The following MACROD2 variants were observed in gnomAD, a reference collection of about 807,000 sequenced individuals.
MACROD2 encodes the protein ADP-ribose glycohydrolase MACROD2.
MACROD2 carries 36 observed loss-of-function variants against 70.4 expected under a neutral mutation model. The observed-to-expected ratio is 0.51, with a 90% CI of 0.39 to 0.68. The LOEUF (loss-of-function observed/expected upper bound fraction) is 0.68. MACROD2 is among the 30% of genes least tolerant of loss of function. The pLI is 0.00. For missense variants in MACROD2, 496 were observed against 538.4 expected, an observed-to-expected ratio of 0.92 and a Z score of 0.78; for synonymous variants, 172 against 178.8, an observed-to-expected ratio of 0.96 and a Z score of 0.30.
chr20:14,058,615 T>A (rs1457844955), intron 2 of MACROD2, among the ~76,000 whole-genome samples: 7 of 151,322 alleles, frequency 4.6e-5, no homozygotes, highest in Non-Finnish European at 1.0e-4. Flanking sequence ...TTCTATTCAT[T>A]TTTCTTTTTC....
At position 14,320,698 on chromosome 20, in the gene MACROD2, A is replaced by T. The variant is rs1191661057; in HGVS notation, c.272-172781A>T. On this transcript the variant is annotated intron_variant, in intron 3 of 17. Coordinates refer to ENST00000684519, the MANE Select transcript of MACROD2 (RefSeq NM_001351661.2). ...TTTTTTTTTTTTTTTTGAAATGTAC[A>T]TGCCTAGCCTTCATCTGGGAGCTTT... Among the ~76,000 whole-genome samples the T allele has an allele frequency of 6.8e-5, 9 of 131,768 alleles. No homozygotes were observed. The East Asian group carries it at 1.1e-3, about 17-fold the overall frequency. 86.4% of individuals were successfully genotyped at this position (131,768 alleles called of 152,430 possible). A position where few individuals can be genotyped will look rare whatever the true frequency, so the allele number is the denominator to read the frequency against.
intron 6 of MACROD2, among the ~76,000 whole-genome samples, chr20:15,288,379 G>A (rs2077510771): frequency 6.6e-6 from 1 of 152,150 alleles, no homozygotes; most frequent in African/African-American, 2.4e-5. Context: ...GAAGAAGACT[G>A]CAGTGGCTAA....
At chr20:15,858,850 C>T (rs1417171498) in intron 8 of MACROD2, among the ~76,000 whole-genome samples, 2 of 152,140 alleles carry the variant, frequency 1.3e-5, no homozygotes, top group Non-Finnish European at 2.9e-5. Flanking sequence ...TCATTTCTAT[C>T]ATAGTCATAG....
At chr20:14,821,742 G>A (rs573211287) in intron 5 of MACROD2, among the ~76,000 whole-genome samples, 1 of 152,184 alleles carries the variant, frequency 6.6e-6, no homozygotes, top group South Asian at 2.1e-4. Flanking sequence ...TGATCATATA[G>A]AAGTTTAGGG....
intron 3 of MACROD2, among the ~76,000 whole-genome samples, chr20:14,092,997 A>G (rs1024277283): frequency 1.3e-5 from 2 of 152,204 alleles, no homozygotes; most frequent in Non-Finnish European, 2.9e-5. Context: ...GCAGTTTTCA[A>G]AATTCCACAT....
intron 4 of MACROD2, among the ~76,000 whole-genome samples, chr20:14,501,434 A>G (rs192512586): frequency 4.9e-4 from 74 of 152,148 alleles, no homozygotes; most frequent in South Asian, 3.1e-3. Context: ...TCATATTACT[A>G]ATATGTATAC....
intron 8 of MACROD2, among the ~76,000 whole-genome samples, chr20:15,586,679 A>C (rs1260180789): frequency 1.3e-5 from 2 of 152,216 alleles, no homozygotes; most frequent in East Asian, 1.9e-4. Flanking sequence ...AATAATATAG[A>C]GAAAGAAAGC....
At chr20:15,021,105 CGTGTATGTGTAT>C (rs1468248867) in intron 5 of MACROD2, among the ~76,000 whole-genome samples, 3 of 123,756 alleles carry the variant, frequency 2.4e-5, no homozygotes, top group Admixed American at 2.3e-4. Flanking sequence ...TGTGTATACA[CGTGTATGTGTAT>C]ACACGTGTGT....
chr20:15,704,277 G>C (rs997275278), intron 8 of MACROD2, among the ~76,000 whole-genome samples: 2 of 151,982 alleles, frequency 1.3e-5, no homozygotes, highest in Admixed American at 1.3e-4. Flanking sequence ...TTGTTCTCCT[G>C]TGGTCTCATT....
intron 5 of MACROD2, among the ~76,000 whole-genome samples, chr20:14,792,944 T>G (rs1448978025): frequency 2.0e-5 from 3 of 152,096 alleles, no homozygotes; most frequent in Non-Finnish European, 2.9e-5. Context: ...AAAGTTATTT[T>G]GGATTTTTTT....
chr20:15,814,557 G>A (rs2147092981), intron 8 of MACROD2, among the ~76,000 whole-genome samples: 1 of 152,156 alleles, frequency 6.6e-6, no homozygotes, highest in South Asian at 2.1e-4. Context: ...CATGCTCCCT[G>A]GGATCACCTC....
intron 5 of MACROD2, among the ~76,000 whole-genome samples, chr20:14,731,031 A>G (rs2071591442): frequency 6.6e-6 from 1 of 151,772 alleles, no homozygotes; most frequent in Non-Finnish European, 1.5e-5. Context: ...ACTCACAAAC[A>G]CATACATTAA....
intron 6 of MACROD2, among the ~76,000 whole-genome samples, chr20:15,326,843 G>A (rs1440175752): frequency 6.6e-6 from 1 of 152,134 alleles, no homozygotes; most frequent in African/African-American, 2.4e-5. Context: ...ATTCCACATT[G>A]CAGGGTGAGG....
intron 5 of MACROD2, among the ~76,000 whole-genome samples, chr20:15,096,376 T>G (rs1307010816): frequency 2.0e-5 from 3 of 149,864 alleles, no homozygotes; most frequent in African/African-American, 7.4e-5. Flanking sequence ...TAAGAATTTA[T>G]TGTTCATGTA....
intron 6 of MACROD2, among the ~76,000 whole-genome samples, chr20:15,427,631 G>T (rs561707816): frequency 6.6e-6 from 1 of 152,302 alleles, no homozygotes; most frequent in South Asian, 2.1e-4. Flanking sequence ...ACACAGTGAG[G>T]AACTCTGAAG....
At chr20:14,872,500 CAG>C (rs2073500285) in intron 5 of MACROD2, among the ~76,000 whole-genome samples, 1 of 152,040 alleles carries the variant, frequency 6.6e-6, no homozygotes, top group South Asian at 2.1e-4. Flanking sequence ...TTTCAGTAAT[CAG>C]AGAGTCATCA....
chr20:15,926,246 T>A (rs1037658589), intron 10 of MACROD2, among the ~76,000 whole-genome samples: 2 of 152,234 alleles, frequency 1.3e-5, no homozygotes, highest in Admixed American at 1.3e-4. Context: ...AACCTCATGC[T>A]TCATAAGTAA....
chr20:14,049,579 A>T (rs1172901204), intron 2 of MACROD2, among the ~76,000 whole-genome samples: 3 of 135,100 alleles, frequency 2.2e-5, no homozygotes, highest in South Asian at 2.4e-4. Flanking sequence ...TGTCTCTACT[A>T]AAAAAAAAAA....
chr20:15,539,349 G>T (rs2047922881), intron 8 of MACROD2, among the ~76,000 whole-genome samples: 2 of 152,330 alleles, frequency 1.3e-5, no homozygotes, highest in East Asian at 3.9e-4. Flanking sequence ...GTGTGCTTCA[G>T]CACCACAAAT....
Sources: allele counts gnomAD v4.1 joint callset (sites outside exome capture counted in the v4.1 genomes callset), GRCh38; gene constraint gnomAD v4.1.1; transcripts MANE v1.5; gene names NCBI Gene and HGNC (gene_info 2026-07-23, HGNC 2026-07-21).